MTSS1: variants seen among roughly 807,000 people sequenced by gnomAD.
MTSS1 encodes the protein MTSS I-BAR domain containing 1.
MTSS1 carries 18 observed loss-of-function variants against 79.0 expected under a neutral mutation model. The ratio of observed to expected loss-of-function variants is 0.23; its 90% confidence interval spans 0.16 to 0.34. MTSS1 has a LOEUF of 0.34. Among genes scored for constraint, MTSS1 ranks in the 10% least tolerant of loss-of-function variants. The probability of loss-of-function intolerance (pLI) is 1.00; values close to 1 mark genes in which losing one functional copy is unlikely to be tolerated. For synonymous variants in MTSS1, 341 were observed against 368.6 expected, an observed-to-expected ratio of 0.93 and a Z score of 0.86; for missense variants, 815 against 986.2, an observed-to-expected ratio of 0.83 and a Z score of 2.33.
At chr8:124,678,958 T>C (rs1825730113) in intron 3 of MTSS1, among the ~76,000 whole-genome samples, 1 of 152,232 alleles carries the variant, frequency 6.6e-6, no homozygotes, top group Non-Finnish European at 1.5e-5. Context: ...CCACTACCAG[T>C]TCCACTTTAA....
In MTSS1 at chr8:124,728,000, G is replaced by A; in HGVS notation, c.-45C>T. ...CGAGGGCACACACGCGGGGCCGCTG[G>A]ACTGCGCGCGGGGCCGGGGCTCGCT... On this transcript the variant is annotated 5_prime_UTR_variant, in exon 1 of 14. Coordinates refer to ENST00000518547, the MANE Select transcript of MTSS1 (RefSeq NM_014751.6). This position sits in a 1 kb window ranked among gnomAD's most constrained non-coding sequence, Gnocchi z 4.7. 6.4e-7 allele frequency: 1 copy of A among 1,566,686 alleles called. No homozygotes were observed. The highest frequency in any genetic ancestry group is 1.1e-5 in the South Asian group (1 of 88,566).
At chr8:124,588,015 AC>A (rs1445808067) in intron 5 of MTSS1, among the ~76,000 whole-genome samples, 2 of 152,158 alleles carry the variant, frequency 1.3e-5, no homozygotes, top group African/African-American at 4.8e-5. Flanking sequence ...TGCACCAAAA[AC>A]CAAGACCAAC....
intron 3 of MTSS1, among the ~76,000 whole-genome samples, chr8:124,653,722 T>TCAAAA (rs61150679): frequency 0.25 from 38,678 of 151,696 alleles, 6,797 homozygotes; most frequent in African/African-American, 0.51. Flanking sequence ...AGACTCCATC[T>TCAAAA]CAAAACAAAA....
At chr8:124,596,556 T>G (rs1379086287) in intron 3 of MTSS1, among the ~76,000 whole-genome samples, 1 of 152,188 alleles carries the variant, frequency 6.6e-6, no homozygotes, top group Non-Finnish European at 1.5e-5. Flanking sequence ...GCACCATACA[T>G]TTTGCATATG....
At chr8:124,589,855 T>A (rs1831527314) in intron 4 of MTSS1, 144 bp from the exon 5 acceptor site, 1 of 632,540 alleles carries the variant, frequency 1.6e-6, no homozygotes. Context: ...AACAGCCATG[T>A]TCCAAGAATG....
intron 1 of MTSS1, among the ~76,000 whole-genome samples, chr8:124,724,404 C>T (rs114821948): frequency 6.6e-6 from 1 of 152,130 alleles, no homozygotes; most frequent in Non-Finnish European, 1.5e-5. Flanking sequence ...TAACAGGACA[C>T]CCCTGTCTAA....
At position 124,557,718 on chromosome 8, in the gene MTSS1, G is replaced by T; in HGVS notation, c.1193C>A (p.Pro398His). 1 of 1,595,322 alleles carries T rather than the reference G, an allele frequency of 6.3e-7. No individual in the cohort carries two copies. The highest frequency in any genetic ancestry group is 8.5e-7 in the Non-Finnish European group (1 of 1,170,942). The part of the protein sequence containing the change: ...PDYAHYYTIG[P>H]GMFPSSQIPS... ...GATCTGAGATGACGGGAACATGCCG[G>T]GCCCAATGGTGTAATAATGAGCGTA... The change falls in exon 11 of 14, where the codon CCC (proline) becomes CAC (histidine). Residue 398 changes from proline (P) to histidine (H), a missense_variant. By Grantham distance (77) the Pro-to-His change is moderately conservative (BLOSUM62 -2). Around this residue, in one of 2 missense-constraint regions of MTSS1, gnomAD observed 590 missense variants for 620.8 expected, o/e 0.95. Coordinates refer to ENST00000518547, the MANE Select transcript of MTSS1 (RefSeq NM_014751.6).
Position 124,667,119 on chromosome 8 carries a change from C to G in MTSS1, c.208+32407G>C, listed in dbSNP as rs373504170. Among the ~76,000 whole-genome samples the G allele has an allele frequency of 7.5e-4, 114 of 152,218 alleles. No homozygotes were observed. In the Middle Eastern group the frequency reaches 0.01, roughly 14 times the overall value. On this transcript the variant is annotated intron_variant, in intron 3 of 13. Coordinates refer to ENST00000518547, the MANE Select transcript of MTSS1 (RefSeq NM_014751.6). ...GATGGCCACGCCCTGGGTTTCCCCC[C>G]ATCTTAGGATTTGATTTGAGATGGT...
intron 8 of MTSS1, 29 bp downstream of exon 8, chr8:124,567,042 C>T (rs1197970175): frequency 1.9e-6 from 3 of 1,545,818 alleles, no homozygotes; most frequent in Non-Finnish European, 1.8e-6. Context: ...TTGGTTTGAT[C>T]CTGTAAGTGC....
rs1309392154 is a variant in MTSS1, at chr8:124,589,482, C to T, written c.385+138G>A. The stretch of plus-strand genomic sequence containing the variant: ...TCATCCCCTGACACGGACGTGCCTA[C>T]AGGAGAGTAGGGACAGAGTGGGCCC... On this transcript the variant is annotated intron_variant, in intron 5 of 13. Coordinates refer to ENST00000518547, the MANE Select transcript of MTSS1 (RefSeq NM_014751.6). The T allele has an allele frequency of 1.3e-5, 8 of 624,686 alleles. No individual in the cohort carries two copies. The Admixed American group carries it at 1.9e-4, about 15-fold the overall frequency. 38.7% of individuals were successfully genotyped at this position (624,686 alleles called of 1,614,324 possible). A position where few individuals can be genotyped will look rare whatever the true frequency, so the allele number is the denominator to read the frequency against.
At chr8:124,583,081 GA>G (rs1229900444) in intron 6 of MTSS1, among the ~76,000 whole-genome samples, 9 of 152,180 alleles carry the variant, frequency 5.9e-5, no homozygotes, top group Non-Finnish European at 1.0e-4. Context: ...AAATTCTCTA[GA>G]ACATTCCAAG....
chr8:124,704,535 T>C (rs1361654340), intron 1 of MTSS1, among the ~76,000 whole-genome samples: 1 of 152,202 alleles, frequency 6.6e-6, no homozygotes, highest in East Asian at 1.9e-4. Context: ...AACATGGCCC[T>C]GGCTGTTCTC....
At chr8:124,684,078 C>A (rs1467891816) in intron 3 of MTSS1, among the ~76,000 whole-genome samples, 1 of 152,154 alleles carries the variant, frequency 6.6e-6, no homozygotes, top group Non-Finnish European at 1.5e-5. Flanking sequence ...GTAAAGACAG[C>A]CACAGGATAG....
chr8:124,723,049 GCCAAATTGACAGACATC>G (rs1833174574), intron 1 of MTSS1, among the ~76,000 whole-genome samples: 1 of 152,204 alleles, frequency 6.6e-6, no homozygotes, highest in Non-Finnish European at 1.5e-5. Context: ...AAGTAAGCTA[GCCAAATTGACAGACATC>G]ATTTTAGCTT....
chr8:124,723,662 G>A (rs1833272554), intron 1 of MTSS1, among the ~76,000 whole-genome samples: 1 of 152,176 alleles, frequency 6.6e-6, no homozygotes, highest in African/African-American at 2.4e-5. Flanking sequence ...TCCTGCTGTC[G>A]ATTTTATGAC....
intron 3 of MTSS1, among the ~76,000 whole-genome samples, chr8:124,612,574 ATGTGTGTGTGTGTG>A (rs58367314): frequency 0.048 from 4,763 of 99,608 alleles, 172 homozygotes; most frequent in African/African-American, 0.084. Context: ...CAAGTTTAAA[ATGTGTGTGTGTGTG>A]TGTGTGTGTG....
chr8:124,634,369 A>C (rs2133871871), intron 3 of MTSS1, among the ~76,000 whole-genome samples: 1 of 150,346 alleles, frequency 6.7e-6, no homozygotes, highest in Non-Finnish European at 1.5e-5. Flanking sequence ...CTGGTCTCAA[A>C]CTCCTCCCAC....
intron 3 of MTSS1, among the ~76,000 whole-genome samples, chr8:124,678,584 TTG>T (rs1825673377): frequency 6.6e-6 from 1 of 152,204 alleles, no homozygotes; most frequent in Non-Finnish European, 1.5e-5. Context: ...CCATCAGATC[TTG>T]TGAGACTTAT....
At chr8:124,573,793 T>C (rs1828371381) in intron 6 of MTSS1, among the ~76,000 whole-genome samples, 1 of 152,178 alleles carries the variant, frequency 6.6e-6, no homozygotes, top group African/African-American at 2.4e-5. Flanking sequence ...GCATCTTCAG[T>C]CTTGAGTTTT....
Sources: gnomAD v4.1 joint callset for allele counts (sites outside exome capture counted in the v4.1 genomes callset) on GRCh38, gnomAD v4.1.1 for gene constraint, gnomAD v4.1.1 regional missense constraint, Gnocchi (gnomAD v3.1) non-coding constraint, MANE v1.5 for transcripts, NCBI Gene and HGNC (gene_info 2026-07-23, HGNC 2026-07-21) for gene names.